The following NCOA1 variants were observed in gnomAD, a reference collection of about 807,000 sequenced individuals.
NCOA1 encodes the protein Hin-2 protein.
Under a neutral mutation model 150.9 loss-of-function variants are expected in NCOA1, and 35 were observed. That is an observed-to-expected ratio of 0.23 (90% CI 0.18 to 0.31). NCOA1 has a LOEUF of 0.31. Ranked by LOEUF, NCOA1 falls within the 10% of genes least tolerant of loss-of-function variation. NCOA1 has a pLI of 1.00. For missense variants in NCOA1, 1,491 were observed against 1,749.3 expected (o/e 0.85, Z 2.63); for synonymous variants, 590 against 630.0 (o/e 0.94, Z 0.95).
chr2:24,675,611 G>A (rs1184199693), intron 7 of NCOA1, among the ~76,000 whole-genome samples: 2 of 152,212 alleles, frequency 1.3e-5, no homozygotes, highest in African/African-American at 4.8e-5. Context: ...CAGTCCGGGC[G>A]CGGTGCATCA....
chr2:24,706,708 T>G lies in NCOA1; in HGVS notation c.1238T>G (p.Met413Arg), dbSNP rs757994175. The G allele has an allele frequency of 1.9e-6, 3 of 1,614,040 alleles. No homozygotes were observed. The Admixed American group carries it at 5.0e-5, about 27-fold the overall frequency. ...ACATTGCCACCATCCAACAGCAACA[T>G]GGTATCCACCAGAATAAACCGCCAG... ...SSTLPPSNSN[M>R]VSTRINRQQS... The change falls in exon 13 of 23, where the codon ATG (methionine) becomes AGG (arginine). Residue 413 changes from methionine to arginine, a missense_variant. By Grantham distance (91) the Met-to-Arg change is moderately conservative. Transcript: ENST00000348332.
At chr2:24,663,528 A>G (rs1276206636) in intron 5 of NCOA1, among the ~76,000 whole-genome samples, 1 of 152,220 alleles carries the variant, frequency 6.6e-6, no homozygotes, top group Non-Finnish European at 1.5e-5. Flanking sequence ...GAAAAAAGGC[A>G]TGCACCTGAG....
At chr2:24,675,464 A>G (rs1013983181) in intron 7 of NCOA1, among the ~76,000 whole-genome samples, 4 of 152,230 alleles carry the variant, frequency 2.6e-5, no homozygotes, top group Non-Finnish European at 4.4e-5. Context: ...CTCAAGATTC[A>G]CATTTGAGGA....
At chr2:24,549,456 G>A (rs930223763) in intron 1 of NCOA1, among the ~76,000 whole-genome samples, 13 of 152,092 alleles carry the variant, frequency 8.5e-5, no homozygotes, top group African/African-American at 2.9e-4. Context: ...ATTAACATTC[G>A]GCTCTTCATT....
At chr2:24,767,035 T>C (rs1665101070) in intron 22 of NCOA1, among the ~76,000 whole-genome samples, 1 of 152,050 alleles carries the variant, frequency 6.6e-6, no homozygotes, top group Non-Finnish European at 1.5e-5. Flanking sequence ...GCTGTCTGCC[T>C]CATCTGAGAG....
chr2:24,735,314 C>T (rs1339694447), intron 17 of NCOA1, among the ~76,000 whole-genome samples: 1 of 152,054 alleles, frequency 6.6e-6, no homozygotes, highest in Non-Finnish European at 1.5e-5. Context: ...AATATATTTA[C>T]CTCATTGGAT....
intron 17 of NCOA1, among the ~76,000 whole-genome samples, chr2:24,737,593 C>T (rs1206271059): frequency 1.3e-5 from 2 of 152,148 alleles, no homozygotes; most frequent in East Asian, 3.8e-4. Flanking sequence ...TTCCCTCTGC[C>T]TCAAGTTAAC....
chr2:24,505,135 C>T (rs1379726473), intron 1 of NCOA1, among the ~76,000 whole-genome samples: 1 of 151,828 alleles, frequency 6.6e-6, no homozygotes. Context: ...GTCATCAATC[C>T]TGAACTTTTT....
intron 1 of NCOA1, among the ~76,000 whole-genome samples, chr2:24,506,673 A>T (rs76676093): frequency 0.04 from 6,037 of 152,238 alleles, 143 homozygotes; most frequent in East Asian, 0.11. Flanking sequence ...TATGAAATAT[A>T]TATAGTACCT....
chr2:24,495,733 T>A (rs1186253116), intron 1 of NCOA1, among the ~76,000 whole-genome samples: 1 of 152,232 alleles, frequency 6.6e-6, no homozygotes, highest in Non-Finnish European at 1.5e-5. Flanking sequence ...AAAGAAACTC[T>A]GACCAGACAG....
intron 3 of NCOA1, among the ~76,000 whole-genome samples, chr2:24,627,245 A>C (rs553433070): frequency 2.6e-5 from 4 of 151,260 alleles, no homozygotes; most frequent in African/African-American, 9.7e-5. Context: ...ATAAATTAGC[A>C]CACTTTGTTA....
chr2:24,718,663 C>T (rs1194382288), intron 14 of NCOA1, among the ~76,000 whole-genome samples: 1 of 149,808 alleles, frequency 6.7e-6, no homozygotes. Context: ...GAAACTCCAT[C>T]TCTACTAAAA....
At chr2:24,507,603 A>G (rs1330395328) in intron 1 of NCOA1, among the ~76,000 whole-genome samples, 2 of 151,424 alleles carry the variant, frequency 1.3e-5, no homozygotes, top group Admixed American at 6.6e-5. Context: ...TTTCAGATCT[A>G]TTGTTTTTTA....
intron 1 of NCOA1, among the ~76,000 whole-genome samples, chr2:24,542,730 A>G (rs1665450717): frequency 6.6e-6 from 1 of 152,216 alleles, no homozygotes; most frequent in African/African-American, 2.4e-5. Context: ...TGTCATTGAC[A>G]TACAAAGGCT....
chr2:24,521,671 T>A (rs2148136359), intron 1 of NCOA1, among the ~76,000 whole-genome samples: 1 of 152,378 alleles, frequency 6.6e-6, no homozygotes, highest in East Asian at 1.9e-4. Context: ...TTGGCTGTTA[T>A]GAATAATGCT....
At chr2:24,727,009 G>A (rs1401176836) in intron 15 of NCOA1, among the ~76,000 whole-genome samples, 2 of 151,436 alleles carry the variant, frequency 1.3e-5, no homozygotes, top group Non-Finnish European at 2.9e-5. Flanking sequence ...GTGGTGGTGC[G>A]CAGCTGTAAT....
intron 19 of NCOA1, among the ~76,000 whole-genome samples, chr2:24,744,419 GTTTAAC>G (rs533430000): frequency 8.7e-4 from 133 of 152,268 alleles, no homozygotes; most frequent in Middle Eastern, 3.4e-3. Flanking sequence ...CTGGAAAAAT[GTTTAAC>G]TTTTCTGGAC....
At chr2:24,670,934 G>A (rs1439151005) in intron 6 of NCOA1, among the ~76,000 whole-genome samples, 1 of 152,168 alleles carries the variant, frequency 6.6e-6, no homozygotes, top group Non-Finnish European at 1.5e-5. Flanking sequence ...TTTCAGTGAG[G>A]ATGCAGAAGA....
chr2:24,722,487 T>C (rs1674402156), intron 14 of NCOA1, among the ~76,000 whole-genome samples: 1 of 152,200 alleles, frequency 6.6e-6, no homozygotes, highest in Non-Finnish European at 1.5e-5. Flanking sequence ...CTAAAAAGAA[T>C]AATGCTGTTT....
Sources: allele counts gnomAD v4.1 joint callset (sites outside exome capture counted in the v4.1 genomes callset), GRCh38; gene constraint gnomAD v4.1.1; transcripts MANE v1.5; gene names NCBI Gene and HGNC (gene_info 2026-07-23, HGNC 2026-07-21).